The following EXOC3L1 variants were observed in gnomAD, a reference collection of about 807,000 sequenced individuals.
EXOC3L1 encodes the protein exocyst complex component 3 like 1.
A neutral mutation model predicts 83.6 loss-of-function variants in EXOC3L1; 79 were observed. The ratio of observed to expected loss-of-function variants is 0.95; its 90% CI spans 0.79 to 1.14. The LOEUF is 1.14. Ranked by LOEUF, EXOC3L1 falls within the 50% of genes most tolerant of loss-of-function variation. EXOC3L1 has a pLI of 0.00. For missense variants in EXOC3L1, 945 were observed against 972.0 expected, an observed-to-expected ratio of 0.97 and a Z score of 0.37; for synonymous variants, 433 against 451.2, an observed-to-expected ratio of 0.96 and a Z score of 0.51.
rs1181090470 is a variant in EXOC3L1, at chr16:67,186,947, G to GAC, written c.1159-65_1159-64dup. 14 of 1,612,262 alleles carry GAC rather than the reference G, an allele frequency of 8.7e-6. No individual in the cohort carries two copies. The African/African-American group carries it at 1.9e-4, about 22-fold the overall frequency. The stretch of plus-strand genomic sequence containing the variant: ...GATCTGACCCTGCTGGAGATGGGTA[G>GAC]ACATTCCACTCTGCAGATAAAGGCC... On this transcript the variant is annotated intron_variant, in intron 6 of 13. Coordinates refer to ENST00000314586, the MANE Select transcript of EXOC3L1 (RefSeq NM_178516.4).
At position 67,186,311 on chromosome 16, in the gene EXOC3L1, G is replaced by A. The variant is rs114735714; in HGVS notation, c.1422C>T (p.His474=). The change falls in exon 9 of 14, where the codon CAC becomes CAT. Residue 474 remains histidine, a synonymous_variant. Transcript: ENST00000314586. ...SDALIRFSRD[H]FRGKSMAPHY... ...GAGGGGCCATTGATTTCCCCCTGAA[G>A]TGGTCTCGGGAGAATCGGATCAGAG... 340 of 1,570,654 alleles carry A rather than the reference G, an allele frequency of 2.2e-4. 1 individual carries two copies. In the African/African-American group the frequency reaches 4.2e-3, roughly 19 times the overall value.
intron 4 of EXOC3L1, among the ~76,000 whole-genome samples, chr16:67,188,160 C>T (rs1224895052): frequency 6.6e-6 from 1 of 152,162 alleles, no homozygotes; most frequent in African/African-American, 2.4e-5. Flanking sequence ...AGGAGGATTG[C>T]TTGAACCTGG....
In EXOC3L1 at chr16:67,188,799, G is replaced by C; in HGVS notation, c.349C>G (p.Leu117Val). 6.2e-7 allele frequency: 1 copy of C among 1,613,354 alleles called. No homozygotes were observed. Among genetic ancestry groups the C allele is most frequent in the Non-Finnish European group, 8.5e-7 (1 of 1,180,004 alleles). Residue 117 changes from leucine (L) to valine (V), a missense_variant, in exon 4 of 14, where the codon CTA becomes GTA. Coordinates refer to ENST00000314586, the MANE Select transcript of EXOC3L1 (RefSeq NM_178516.4). ...GCAACCCGCTCCCGTAGGGGCTCTA[G>C]AGTCTGTAAGGCCTGGGACATGCCC... is the stretch of plus-strand genomic sequence containing the variant. The part of the protein sequence containing the change: ...LQGMSQALQT[L>V]EPLRERVAQH...
In EXOC3L1 at chr16:67,188,890, C is replaced by A. The variant is rs1201482900; in HGVS notation, c.258G>T (p.Leu86=). 6.2e-7 allele frequency: 1 copy of A among 1,613,068 alleles called. No homozygotes were observed. The highest frequency in any genetic ancestry group is 1.3e-5 in the African/African-American group (1 of 74,938). Reference sequence around the variant, plus strand: ...CCTGCACCACCTCAATGGCCTGGGCCAGCTGCCACACACCAGTCTGCACGC... The same window carrying A: ...CCTGCACCACCTCAATGGCCTGGGCAAGCTGCCACACACCAGTCTGCACGC... ...LEGVQTGVWQ[L]AQAIEVVQGT... Residue 86 remains leucine, a synonymous_variant, in exon 4 of 14, where the codon CTG becomes CTT. Transcript: ENST00000314586.
chr16:67,188,627 CAGTT>C, intron 4 of EXOC3L1, 90 bp downstream of exon 4: 1 of 1,224,654 alleles, frequency 8.2e-7, no homozygotes, highest in Non-Finnish European at 1.1e-6. Context: ...CTGCTCTATG[CAGTT>C]CCCCATCTAG....
chr16:67,189,134 A>G lies in EXOC3L1; in HGVS notation c.93T>C (p.Gly31=), dbSNP rs1338213037. The G allele has an allele frequency of 6.2e-7, 1 of 1,606,546 alleles. No individual in the cohort carries two copies. Among genetic ancestry groups the G allele is most frequent in the Non-Finnish European group, 8.5e-7 (1 of 1,179,160 alleles). Residue 31 remains glycine (G), a synonymous_variant, in exon 3 of 14, where the codon GGT becomes GGC. Coordinates refer to ENST00000314586, the MANE Select transcript of EXOC3L1 (RefSeq NM_178516.4). ...EQERAEQLAR[G]AALKWASGIF... ...TGCCTGAGGCCCACTTGAGCGCTGC[A>G]CCCCGGGCCAGCTGCTCTGCCCGCT...
At chr16:67,187,173 C>T (rs1314168447) in intron 5 of EXOC3L1, 35 bp from the exon 6 acceptor site, 2 of 1,611,226 alleles carry the variant, frequency 1.2e-6, no homozygotes, top group African/African-American at 1.3e-5. Context: ...CACCAAGCCA[C>T]CAAGCCCCCA....
Position 67,185,493 on chromosome 16 carries a change from G to A in EXOC3L1, c.1497-3C>T. 6.2e-7 allele frequency: 1 copy of A among 1,605,746 alleles called. No individual in the cohort carries two copies. The highest frequency in any genetic ancestry group is 8.5e-7 in the Non-Finnish European group (1 of 1,179,866). ...GCTGCAGGACAGACACTGAGGAGCT[G>A]GACCAAGCAAAACTACGGCTTCAGG... On this transcript the variant is annotated splice_polypyrimidine_tract_variant and splice_region_variant and intron_variant, in intron 9 of 13. Transcript: ENST00000314586.
intron 4 of EXOC3L1, 33 bp from the exon 5 acceptor site, chr16:67,187,870 C>G: frequency 6.5e-7 from 1 of 1,539,014 alleles, no homozygotes; most frequent in Non-Finnish European, 8.8e-7. Flanking sequence ...GGCCCTGGGT[C>G]TCAGCCTTCC....
rs1300895189 is a variant in EXOC3L1 at position 67,187,440 on chromosome 16, C to A, written c.825G>T (p.Trp275Cys). 1 of 1,610,132 alleles carries A rather than the reference C, an allele frequency of 6.2e-7. No homozygotes were observed. The highest frequency in any genetic ancestry group is 8.5e-7 in the Non-Finnish European group (1 of 1,179,736). The change falls in exon 5 of 14, where the codon TGG becomes TGT. Residue 275 changes from tryptophan (W) to cysteine (C), a missense_variant. Transcript: ENST00000314586. The stretch of plus-strand genomic sequence containing the variant: ...GCAGGGCCACTCGCAGAGCCTCCAG[C>A]CACCCTGGTAGGGCCCCTGGTGCAG... Reference protein sequence around the residue: ...LLPAPGALPGWLEALRVALPV... With the variant: ...LLPAPGALPGCLEALRVALPV...
intron 10 of EXOC3L1, 42 bp downstream of exon 10, chr16:67,185,319 A>C: frequency 1.2e-6 from 2 of 1,612,802 alleles, no homozygotes; most frequent in Non-Finnish European, 1.7e-6. Context: ...CTGTACCGCC[A>C]CCTCTCCACC....
In EXOC3L1 at chr16:67,184,612, G is replaced by T; in HGVS notation, c.2031-8C>A. The T allele has an allele frequency of 6.3e-7, 1 of 1,585,926 alleles. No individual in the cohort carries two copies. The highest frequency in any genetic ancestry group is 8.5e-7 in the Non-Finnish European group (1 of 1,171,522). On this transcript the variant is annotated splice_polypyrimidine_tract_variant and splice_region_variant and intron_variant, in intron 13 of 13. Transcript: ENST00000314586. ...GCGGAGACGTGGTCCTCGCTGCAGG[G>T]GCACCAAGGAGGCGCGTCAGCCCCG... is the stretch of plus-strand genomic sequence containing the variant.
In EXOC3L1 at chr16:67,187,840, A is replaced by T. The variant is rs772771429; in HGVS notation, c.428-3T>A. 1.3e-6 allele frequency: 2 copies of T among 1,574,576 alleles called. No individual in the cohort carries two copies. Among genetic ancestry groups the T allele is most frequent in the Non-Finnish European group, 8.6e-7 (1 of 1,157,360 alleles). On this transcript the variant is annotated splice_region_variant and splice_polypyrimidine_tract_variant and intron_variant, in intron 4 of 13. Transcript: ENST00000314586. ...TGTGTGGGACACTGCAGCCGGCACTAATGAGAGTGAAAAGGAGACGGCCCT... is the reference window on the plus strand; with the variant it reads ...TGTGTGGGACACTGCAGCCGGCACTTATGAGAGTGAAAAGGAGACGGCCCT...
At position 67,189,642 on chromosome 16, in the gene EXOC3L1, G is replaced by A. The variant is rs1017391544; in HGVS notation, c.35C>T (p.Ala12Val). 3.1e-6 allele frequency: 5 copies of A among 1,614,078 alleles called. No homozygotes were observed. Among genetic ancestry groups the A allele is most frequent in the East Asian group, 2.2e-5 (1 of 44,878 alleles). Residue 12 changes from alanine (A) to valine (V), a missense_variant, in exon 2 of 14, where the codon GCG (alanine) becomes GTG (valine). Physicochemically the swap from Ala to Val is moderately conservative, Grantham distance 64. Coordinates refer to ENST00000314586, the MANE Select transcript of EXOC3L1 (RefSeq NM_178516.4). ...DSAAKDEMQP[A>V]LSPGPEWPEQ... Reference sequence around the variant, plus strand: ...CAAAAGGTTCATACCAGGGGACAACGCCGGCTGCATCTCATCCTTGGCTGC... The same window carrying A: ...CAAAAGGTTCATACCAGGGGACAACACCGGCTGCATCTCATCCTTGGCTGC...
Position 67,185,172 on chromosome 16 carries a change from G to A in EXOC3L1, c.1713C>T (p.Cys571=). The A allele has an allele frequency of 6.2e-7, 1 of 1,613,400 alleles. No individual in the cohort carries two copies. Residue 571 remains cysteine, a synonymous_variant, in exon 11 of 14, where the codon TGC becomes TGT. Coordinates refer to ENST00000314586, the MANE Select transcript of EXOC3L1 (RefSeq NM_178516.4). ...GGTTCCGCACGCGCCAGAAGTCCCG[G>A]CAGAAGCGCCCCGTCCGTTCACACA... The part of the protein sequence containing the change: ...QSVCERTGRF[C]RDFWRVRNPT...
chr16:67,185,531 G>A (rs1464641146), intron 9 of EXOC3L1, 41 bp from the exon 10 acceptor site: 2 of 1,572,874 alleles, frequency 1.3e-6, no homozygotes, highest in East Asian at 4.5e-5. Flanking sequence ...CAAGGCCAAG[G>A]CCCGCATGGC....
rs769658570 is a variant in EXOC3L1 at position 67,186,263 on chromosome 16, G to A, written c.1470C>T (p.Ala490=). The A allele has an allele frequency of 1.1e-5, 17 of 1,577,166 alleles. No individual in the cohort carries two copies. Among genetic ancestry groups the A allele is most frequent in the African/African-American group, 2.7e-5 (2 of 74,124 alleles). The change falls in exon 9 of 14, where the codon GCC becomes GCT. Residue 490 remains alanine, a synonymous_variant. Coordinates refer to ENST00000314586, the MANE Select transcript of EXOC3L1 (RefSeq NM_178516.4). ...MAPHYVPYLL[A]ALNHKSALSS... is the part of the protein sequence containing the mutation. Reference sequence around the variant, plus strand: ...TGAGTGCTGACTTGTGGTTGAGGGCGGCCAGTAGGTAGGGCACGTAATGAG... The same window carrying A: ...TGAGTGCTGACTTGTGGTTGAGGGCAGCCAGTAGGTAGGGCACGTAATGAG...
Position 67,186,571 on chromosome 16 carries a change from G to T in EXOC3L1, c.1371C>A (p.Gly457=). 1 of 1,613,942 alleles carries T rather than the reference G, an allele frequency of 6.2e-7. No individual in the cohort carries two copies. Among genetic ancestry groups the T allele is most frequent in the Non-Finnish European group, 8.5e-7 (1 of 1,179,886 alleles). Residue 457 remains glycine, a synonymous_variant, in exon 8 of 14, where the codon GGC becomes GGA. Coordinates refer to ENST00000314586, the MANE Select transcript of EXOC3L1 (RefSeq NM_178516.4). ...RVHGMALSEL[G]TFLRSFSDAL... Reference sequence around the variant, plus strand: ...CCTCAGCAAACCTCCTCAAGAATGTGCCCAGTTCTGACAGTGCCATGCCAT... The same window carrying T: ...CCTCAGCAAACCTCCTCAAGAATGTTCCCAGTTCTGACAGTGCCATGCCAT...
In EXOC3L1 at chr16:67,185,512, C is replaced by T. The variant is rs764880274; in HGVS notation, c.1497-22G>A. 13 of 1,600,828 alleles carry T rather than the reference C, an allele frequency of 8.1e-6. No homozygotes were observed. In the Admixed American group the frequency reaches 1.0e-4, roughly 12 times the overall value. On this transcript the variant is annotated intron_variant, in intron 9 of 13. Coordinates refer to ENST00000314586, the MANE Select transcript of EXOC3L1 (RefSeq NM_178516.4). The stretch of plus-strand genomic sequence containing the variant: ...GGAGCTGGACCAAGCAAAACTACGG[C>T]TTCAGGACCAAGGCCAAGGCCCGCA...
Sources: allele counts gnomAD v4.1 joint callset (sites outside exome capture counted in the v4.1 genomes callset), GRCh38; gene constraint gnomAD v4.1.1; transcripts MANE v1.5; gene names NCBI Gene and HGNC (gene_info 2026-07-23, HGNC 2026-07-21).